Variants in ULK4 observed in about 807,000 individuals in gnomAD.
ULK4 encodes the protein unc-51 like kinase 4.
Under a neutral mutation model 160.6 loss-of-function variants are expected in ULK4, and 133 were observed. The observed-to-expected ratio is 0.83, with a 90% confidence interval of 0.72 to 0.96. The LOEUF is 0.96. Among genes scored for constraint, ULK4 ranks in the 40% least tolerant of loss-of-function variants. The pLI is 0.00. For synonymous variants in ULK4, 534 were observed against 539.8 expected (o/e 0.99, Z 0.15); for missense variants, 1,580 against 1,499.5 (o/e 1.05, Z -0.89).
intron 2 of ULK4, among the ~76,000 whole-genome samples, chr3:41,950,975 T>C (rs769021245): frequency 1.1e-3 from 170 of 151,254 alleles, no homozygotes; most frequent in Non-Finnish European, 1.5e-3. Context: ...AAACCTCATC[T>C]CTACTAAAAA....
At chr3:41,558,338 CG>C (rs34703800) in intron 32 of ULK4, among the ~76,000 whole-genome samples, 1 of 152,108 alleles carries the variant, frequency 6.6e-6, no homozygotes, top group Admixed American at 6.5e-5. Flanking sequence ...ATATTTATCA[CG>C]GGGGTAAGTG....
chr3:41,276,458 C>T (rs891135326), intron 35 of ULK4, among the ~76,000 whole-genome samples: 8 of 152,250 alleles, frequency 5.3e-5, no homozygotes, highest in Admixed American at 3.3e-4. Context: ...GCACCCTTCA[C>T]GAGGCTGAGA....
intron 34 of ULK4, among the ~76,000 whole-genome samples, chr3:41,441,092 T>C (rs1424216317): frequency 6.6e-6 from 1 of 152,044 alleles, no homozygotes; most frequent in Non-Finnish European, 1.5e-5. Context: ...AAGAATTGGG[T>C]TTTGATTTTA....
chr3:41,268,604 G>A (rs748670634), intron 35 of ULK4, among the ~76,000 whole-genome samples: 22 of 152,064 alleles, frequency 1.4e-4, no homozygotes, highest in Non-Finnish European at 3.1e-4. Context: ...TCAGGAGTTC[G>A]AGACCAGTCT....
chr3:41,442,144 C>T (rs1270257639), intron 34 of ULK4, among the ~76,000 whole-genome samples: 1 of 152,068 alleles, frequency 6.6e-6, no homozygotes, highest in African/African-American at 2.4e-5. Flanking sequence ...AAAAAGGCCC[C>T]AAAGTGGACT....
intron 13 of ULK4, chr3:41,899,324 G>A (rs1698272890): frequency 6.6e-6 from 1 of 152,170 alleles, no homozygotes; most frequent in African/African-American, 2.4e-5. Context: ...AACATTAAGA[G>A]CAGCTGGGCA....
At chr3:41,514,311 C>A (rs983344715) in intron 32 of ULK4, among the ~76,000 whole-genome samples, 3 of 152,118 alleles carry the variant, frequency 2.0e-5, no homozygotes, top group Non-Finnish European at 4.4e-5. Flanking sequence ...CTTACTTTTA[C>A]ATAAAATGCA....
At position 41,362,027 on chromosome 3, in the gene ULK4, G is replaced by C. The variant is rs140137185; in HGVS notation, c.3678+36052C>G. 7.1e-3 allele frequency among the ~76,000 whole-genome samples: 1,083 copies of C among 152,278 alleles called. 19 individuals are homozygous for C. The highest frequency in any genetic ancestry group is 6.4e-3 in the Non-Finnish European group (437 of 68,012). The stretch of plus-strand genomic sequence containing the variant: ...TGGAGGGAAGAGTTTTGCTGATAAA[G>C]CTTATCTTACTGCCCTCTGCTTCCT... On this transcript the variant is annotated intron_variant, in intron 35 of 36. Transcript: ENST00000301831.
intron 34 of ULK4, among the ~76,000 whole-genome samples, chr3:41,437,106 A>G (rs1372210662): frequency 6.6e-6 from 1 of 152,196 alleles, no homozygotes; most frequent in African/African-American, 2.4e-5. Flanking sequence ...CAACCAAGCT[A>G]TACTTAGTCT....
At position 41,593,313 on chromosome 3, in the gene ULK4, G is replaced by A. The variant is rs571941595; in HGVS notation, c.3120+22356C>T. Among the ~76,000 whole-genome samples the A allele has an allele frequency of 7.9e-5, 12 of 152,264 alleles. No individual in the cohort carries two copies. In the East Asian group the frequency reaches 1.2e-3, roughly 15 times the overall value. The stretch of plus-strand genomic sequence containing the variant: ...GATGTGATAGGTCACTGATCATGAT[G>A]CGCATCTCTTTAGTGATTTGTTGAT... On this transcript the variant is annotated intron_variant, in intron 31 of 36. Coordinates refer to ENST00000301831, the MANE Select transcript of ULK4 (RefSeq NM_017886.4).
chr3:41,697,420 T>A (rs2036538008), intron 27 of ULK4, among the ~76,000 whole-genome samples: 1 of 152,074 alleles, frequency 6.6e-6, no homozygotes, highest in Non-Finnish European at 1.5e-5. Flanking sequence ...AAAAATTAAT[T>A]AAAAATTTCA....
At chr3:41,334,186 C>T (rs755176065) in intron 35 of ULK4, among the ~76,000 whole-genome samples, 2 of 152,086 alleles carry the variant, frequency 1.3e-5, no homozygotes, top group African/African-American at 2.4e-5. Context: ...GGGCTAAACA[C>T]GGAGGGCTTG....
intron 2 of ULK4, among the ~76,000 whole-genome samples, chr3:41,953,281 T>TACAC (rs1339979477): frequency 2.5e-4 from 13 of 51,688 alleles, no homozygotes; most frequent in East Asian, 1.0e-3. Flanking sequence ...TATACATATA[T>TACAC]ACACATATAT....
chr3:41,954,768 C>T lies in ULK4; in HGVS notation c.-9G>A, dbSNP rs1198379733. The T allele has an allele frequency of 6.2e-7, 1 of 1,607,494 alleles. No individual in the cohort carries two copies. The highest frequency in any genetic ancestry group is 8.5e-7 in the Non-Finnish European group (1 of 1,177,444). On this transcript the variant is annotated 5_prime_UTR_variant, in exon 2 of 37. Coordinates refer to ENST00000301831, the MANE Select transcript of ULK4 (RefSeq NM_017886.4). Reference sequence around the variant, plus strand: ...AGAATAAAGTTTTCCATCTCTGGGCCGACTTCTCACATACAATAGAATAAC... The same window carrying T: ...AGAATAAAGTTTTCCATCTCTGGGCTGACTTCTCACATACAATAGAATAAC...
intron 30 of ULK4, among the ~76,000 whole-genome samples, chr3:41,620,237 G>C (rs2033177503): frequency 6.6e-6 from 1 of 152,058 alleles, no homozygotes; most frequent in African/African-American, 2.4e-5. Flanking sequence ...AACAGAAAAA[G>C]GACTTCTCCC....
At chr3:41,331,613 A>T (rs2080444297) in intron 35 of ULK4, among the ~76,000 whole-genome samples, 1 of 152,058 alleles carries the variant, frequency 6.6e-6, no homozygotes, top group South Asian at 2.1e-4. Context: ...TTATTTACAC[A>T]TTTTCTTAAT....
chr3:41,805,734 G>C (rs2040622523), intron 19 of ULK4, among the ~76,000 whole-genome samples: 4 of 150,146 alleles, frequency 2.7e-5, no homozygotes, highest in Admixed American at 2.0e-4. Context: ...TGCATCTATT[G>C]AGATAATCAT....
At chr3:41,423,093 T>C (rs34243848) in intron 34 of ULK4, among the ~76,000 whole-genome samples, 28,302 of 152,178 alleles carry the variant, frequency 0.19, 2,804 homozygotes, top group African/African-American at 0.22. Context: ...ATGTATACTA[T>C]TTTGTGTATG....
At chr3:41,282,629 C>T (rs1475830395) in intron 35 of ULK4, among the ~76,000 whole-genome samples, 3 of 152,186 alleles carry the variant, frequency 2.0e-5, no homozygotes, top group Non-Finnish European at 4.4e-5. Flanking sequence ...CCCTTCCTTA[C>T]ACCTTATACA....
Sources: allele counts gnomAD v4.1 joint callset (sites outside exome capture counted in the v4.1 genomes callset), GRCh38; gene constraint gnomAD v4.1.1; transcripts MANE v1.5; gene names NCBI Gene and HGNC (gene_info 2026-07-23, HGNC 2026-07-21).